The following EXOC4 variants were observed in gnomAD, a reference collection of about 807,000 sequenced individuals.
EXOC4 encodes the protein SEC8-like 1.
In EXOC4, 71 loss-of-function variants were observed where a neutral mutation model predicts 107.2. The ratio of observed to expected loss-of-function variants is 0.66; its 90% CI spans 0.55 to 0.81. The LOEUF (loss-of-function observed/expected upper bound fraction) is 0.81. Among genes scored for constraint, EXOC4 ranks in the 30% least tolerant of loss-of-function variants. The pLI, the probability that EXOC4 is intolerant of heterozygous loss-of-function variation, is 0.00. For synonymous variants in EXOC4, 456 were observed against 441.2 expected, an observed-to-expected ratio of 1.03 and a Z score of -0.42; for missense variants, 1,108 against 1,189.6, an observed-to-expected ratio of 0.93 and a Z score of 1.01.
intron 9 of EXOC4, among the ~76,000 whole-genome samples, chr7:133,622,151 T>G (rs1802349088): frequency 6.6e-6 from 1 of 152,070 alleles, no homozygotes; most frequent in Non-Finnish European, 1.5e-5. Context: ...ATTTTTTAAT[T>G]TTGTGTAGAG....
intron 14 of EXOC4, among the ~76,000 whole-genome samples, chr7:133,968,834 C>T (rs899135453): frequency 2.0e-5 from 3 of 152,102 alleles, no homozygotes; most frequent in Non-Finnish European, 4.4e-5. Flanking sequence ...TTGCTCTTCT[C>T]GAGGAGTATC....
intron 11 of EXOC4, among the ~76,000 whole-genome samples, chr7:133,820,252 A>G (rs1441794083): frequency 6.7e-6 from 1 of 148,640 alleles, no homozygotes; most frequent in Non-Finnish European, 1.5e-5. Context: ...AAACCATATC[A>G]CTAAGTTTGT....
intron 7 of EXOC4, among the ~76,000 whole-genome samples, chr7:133,430,366 C>T (rs958886552): frequency 4.6e-5 from 7 of 151,992 alleles, no homozygotes; most frequent in African/African-American, 9.7e-5. Context: ...AGCGGGAAAA[C>T]GGGATAACTC....
At chr7:133,613,055 CAA>C (rs750162255) in intron 9 of EXOC4, among the ~76,000 whole-genome samples, 1 of 151,500 alleles carries the variant, frequency 6.6e-6, no homozygotes, top group Non-Finnish European at 1.5e-5. Context: ...TGAAAAAACT[CAA>C]GAGACAAAGT....
In EXOC4 at chr7:133,556,555, A is replaced by G. The variant is rs540439154; in HGVS notation, c.1418-73490A>G. 1.8e-3 allele frequency among the ~76,000 whole-genome samples: 267 copies of G among 152,304 alleles called. 2 individuals carry two copies. Among genetic ancestry groups the G allele is most frequent in the Middle Eastern group, 6.8e-3 (2 of 294 alleles). On this transcript the variant is annotated intron_variant, in intron 9 of 17. Coordinates refer to ENST00000253861, the MANE Select transcript of EXOC4 (RefSeq NM_021807.4). Reference sequence around the variant, plus strand: ...ACTTTAATCAAATATACCATGTCAGATTTTGGAAGAAACCAAAATGGGGTA... The same window carrying G: ...ACTTTAATCAAATATACCATGTCAGGTTTTGGAAGAAACCAAAATGGGGTA...
At chr7:134,020,292 C>T (rs1414282353) in intron 17 of EXOC4, among the ~76,000 whole-genome samples, 1 of 152,174 alleles carries the variant, frequency 6.6e-6, no homozygotes, top group African/African-American at 2.4e-5. Flanking sequence ...GAGGGTAGGG[C>T]TTGGGCATCT....
chr7:133,761,487 A>G (rs1796031483), intron 10 of EXOC4, among the ~76,000 whole-genome samples: 1 of 152,166 alleles, frequency 6.6e-6, no homozygotes, highest in Non-Finnish European at 1.5e-5. Flanking sequence ...TCATCATGGA[A>G]TTTAGAACTG....
chr7:133,326,952 T>G (rs1397087441), intron 5 of EXOC4, among the ~76,000 whole-genome samples: 3 of 152,184 alleles, frequency 2.0e-5, no homozygotes, highest in African/African-American at 7.2e-5. Context: ...CAGGTCAATC[T>G]CAGACTGCTG....
At chr7:133,468,269 GC>G in intron 7 of EXOC4, among the ~76,000 whole-genome samples, 1 of 152,236 alleles carries the variant, frequency 6.6e-6, no homozygotes, top group East Asian at 1.9e-4. Context: ...TTGTGCAACT[GC>G]CATTGACAAT....
chr7:133,898,784 C>A (rs1422538161), intron 12 of EXOC4, among the ~76,000 whole-genome samples: 1 of 145,372 alleles, frequency 6.9e-6, no homozygotes, highest in Non-Finnish European at 1.5e-5. Context: ...TCGAGACCAG[C>A]CTGGCCAACA....
chr7:133,348,286 A>G (rs1347017684), intron 5 of EXOC4, among the ~76,000 whole-genome samples: 2 of 152,208 alleles, frequency 1.3e-5, no homozygotes, highest in Non-Finnish European at 2.9e-5. Flanking sequence ...TTTATGCTCT[A>G]GGAGATTTCA....
At chr7:133,618,881 T>G (rs1000613580) in intron 9 of EXOC4, among the ~76,000 whole-genome samples, 1 of 152,184 alleles carries the variant, frequency 6.6e-6, no homozygotes, top group African/African-American at 2.4e-5. Flanking sequence ...TATATCATAA[T>G]ATGTAACATT....
At chr7:133,856,434 A>C (rs896727693) in intron 11 of EXOC4, among the ~76,000 whole-genome samples, 5 of 152,232 alleles carry the variant, frequency 3.3e-5, no homozygotes, top group Non-Finnish European at 5.9e-5. Context: ...TTGTGGTGTC[A>C]CATTTTTTGT....
At chr7:133,593,201 A>T (rs1801590116) in intron 9 of EXOC4, among the ~76,000 whole-genome samples, 1 of 152,238 alleles carries the variant, frequency 6.6e-6, no homozygotes, top group Non-Finnish European at 1.5e-5. Flanking sequence ...AAGCACTGTG[A>T]TGCTATTTCA....
At chr7:133,324,056 T>C (rs1215508882) in intron 5 of EXOC4, among the ~76,000 whole-genome samples, 1 of 152,194 alleles carries the variant, frequency 6.6e-6, no homozygotes. Flanking sequence ...TCAGTGGTGA[T>C]ATCCCCTTTG....
intron 11 of EXOC4, among the ~76,000 whole-genome samples, chr7:133,876,750 A>G (rs1472651884): frequency 1.3e-5 from 2 of 151,988 alleles, no homozygotes; most frequent in African/African-American, 2.4e-5. Context: ...GAGAAAATCA[A>G]ATTGGGACTC....
intron 9 of EXOC4, among the ~76,000 whole-genome samples, chr7:133,531,520 A>G (rs992484797): frequency 6.6e-6 from 1 of 152,166 alleles, no homozygotes; most frequent in African/African-American, 2.4e-5. Context: ...TTTTAGTAAA[A>G]CCAAGAAAGA....
chr7:133,709,645 C>CTTTT (rs147956984), intron 10 of EXOC4, among the ~76,000 whole-genome samples: 4 of 118,140 alleles, frequency 3.4e-5, no homozygotes, highest in East Asian at 2.4e-4. Context: ...AATCTGTTTT[C>CTTTT]TTTTTTTTTT....
intron 10 of EXOC4, among the ~76,000 whole-genome samples, chr7:133,644,493 T>C (rs1455512376): frequency 6.6e-6 from 1 of 152,242 alleles, no homozygotes; most frequent in African/African-American, 2.4e-5. Flanking sequence ...CATTAATAGC[T>C]AACATTTAAG....
Sources: gnomAD v4.1 joint callset for allele counts (sites outside exome capture counted in the v4.1 genomes callset) on GRCh38, gnomAD v4.1.1 for gene constraint, MANE v1.5 for transcripts, NCBI Gene and HGNC (gene_info 2026-07-23, HGNC 2026-07-21) for gene names.